The following SPAST variants were observed in gnomAD, a reference collection of about 807,000 sequenced individuals.
SPAST encodes the protein spastic paraplegia 4 (autosomal dominant; spastin).
A neutral mutation model predicts 76.6 loss-of-function variants in SPAST; 30 were observed. The ratio of observed to expected loss-of-function variants is 0.39; its 90% CI spans 0.29 to 0.53. The LOEUF (loss-of-function observed/expected upper bound fraction) is 0.53, where lower values mean the gene tolerates loss of function less well. Ranked by LOEUF, SPAST falls within the 20% of genes least tolerant of loss-of-function variation. SPAST has a pLI of 0.68. For synonymous variants in SPAST, 305 were observed against 281.0 expected, an observed-to-expected ratio of 1.09 and a Z score of -0.86; for missense variants, 717 against 770.5, an observed-to-expected ratio of 0.93 and a Z score of 0.82.
intron 4 of SPAST, among the ~76,000 whole-genome samples, chr2:32,113,776 A>G (rs1265559919): frequency 6.6e-6 from 1 of 151,792 alleles, no homozygotes; most frequent in African/African-American, 2.4e-5. Context: ...CATGTTGGCC[A>G]GCCTGGTCTT....
chr2:32,074,415 G>GT (rs1266505358), intron 1 of SPAST, among the ~76,000 whole-genome samples: 2 of 152,140 alleles, frequency 1.3e-5, no homozygotes, highest in Non-Finnish European at 2.9e-5. Flanking sequence ...CTGATATTCT[G>GT]TAAGTGCCAG....
intron 1 of SPAST, among the ~76,000 whole-genome samples, chr2:32,075,148 C>T (rs1479923765): frequency 1.3e-5 from 2 of 151,866 alleles, no homozygotes; most frequent in South Asian, 2.1e-4. Flanking sequence ...ATAGGCCGGG[C>T]GTGGTGGCTC....
intron 7 of SPAST, among the ~76,000 whole-genome samples, chr2:32,116,669 A>G (rs572274929): frequency 6.6e-5 from 10 of 152,112 alleles, no homozygotes; most frequent in African/African-American, 1.7e-4. Flanking sequence ...GTTTTGCTAT[A>G]TTGGCCAGGC....
chr2:32,095,819 A>T (rs1677894137), intron 3 of SPAST, among the ~76,000 whole-genome samples: 2 of 152,198 alleles, frequency 1.3e-5, no homozygotes, highest in African/African-American at 4.8e-5. Context: ...CAAAGGCAAG[A>T]AAAGCATGGT....
At chr2:32,144,915 G>C (rs751126804) in intron 14 of SPAST, 22 bp from the exon 15 acceptor site, 44 of 1,594,544 alleles carry the variant, frequency 2.8e-5, no homozygotes, top group Non-Finnish European at 3.8e-5. Context: ...ATAATTTGCT[G>C]TTTCTTCCTT....
At chr2:32,083,689 T>C (rs1211738538) in intron 1 of SPAST, among the ~76,000 whole-genome samples, 1 of 140,486 alleles carries the variant, frequency 7.1e-6, no homozygotes, top group Non-Finnish European at 1.5e-5. Context: ...TTATGCTATA[T>C]ATAGAGTATA....
intron 7 of SPAST, among the ~76,000 whole-genome samples, chr2:32,123,296 TAATAA>T (rs751440219): frequency 8.6e-5 from 13 of 151,828 alleles, no homozygotes; most frequent in Non-Finnish European, 1.5e-4. Context: ...ATATTAACAC[TAATAA>T]AATGAAATAT....
At chr2:32,093,532 T>A (rs533754270) in intron 3 of SPAST, among the ~76,000 whole-genome samples, 18 of 152,216 alleles carry the variant, frequency 1.2e-4, no homozygotes, top group African/African-American at 4.1e-4. Flanking sequence ...CTAATCTCCC[T>A]TACTGTGTTT....
At chr2:32,094,921 G>T (rs1677862520) in intron 3 of SPAST, among the ~76,000 whole-genome samples, 1 of 152,152 alleles carries the variant, frequency 6.6e-6, no homozygotes, top group African/African-American at 2.4e-5. Context: ...GTGAGCCGAG[G>T]TTGCGCCACT....
rs201417392 is a variant in SPAST, at chr2:32,116,240, A to G, written c.1098+28A>G. On this transcript the variant is annotated intron_variant, in intron 7 of 16. Coordinates refer to ENST00000315285, the MANE Select transcript of SPAST (RefSeq NM_014946.4). ...AAGAACTTTATATTATCATTTTTCT[A>G]TAATACCATCTGTTACTGAATCCAT... The G allele has an allele frequency of 1.8e-5, 25 of 1,406,312 alleles. No homozygotes were observed. The Admixed American group carries it at 2.3e-4, about 13-fold the overall frequency. The allele number at this position is 1,406,312 out of a possible 1,614,324, so 87.1% of individuals were successfully genotyped here. A position where few individuals can be genotyped will look rare whatever the true frequency, so the allele number is the denominator to read the frequency against.
At position 32,102,359 on chromosome 2, in the gene SPAST, A is replaced by C. The variant is rs558611313; in HGVS notation, c.682+3468A>C. Among the ~76,000 whole-genome samples the C allele has an allele frequency of 4.9e-3, 740 of 152,368 alleles. 3 individuals are homozygous for C. Among genetic ancestry groups the C allele is most frequent in the Non-Finnish European group, 8.3e-3 (564 of 68,040 alleles). On this transcript the variant is annotated intron_variant, in intron 4 of 16. Transcript: ENST00000315285. ...TTTGCTGAAGTTGCTTATCAGCTTA[A>C]GGAGATTTTGGGCTGAGATGATGGG...
At chr2:32,112,015 T>TG (rs1678633275) in intron 4 of SPAST, among the ~76,000 whole-genome samples, 1 of 136,372 alleles carries the variant, frequency 7.3e-6, no homozygotes, top group Non-Finnish European at 1.6e-5. Context: ...AGTAGTAGTT[T>TG]TTTTTTTTTT....
Position 32,144,109 on chromosome 2 carries a change from A to C in SPAST, c.1616+694A>C, listed in dbSNP as rs138127584. Among the ~76,000 whole-genome samples the C allele has an allele frequency of 2.2e-3, 334 of 152,296 alleles. 1 individual carries two copies. Among genetic ancestry groups the C allele is most frequent in the African/African-American group, 7.6e-3 (315 of 41,572 alleles). ...CTGAAAAATGTCATAAAGTAATATAAAGTATTCAATGAGTATGTGAGTATT... is the reference window on the plus strand; with the variant it reads ...CTGAAAAATGTCATAAAGTAATATACAGTATTCAATGAGTATGTGAGTATT... On this transcript the variant is annotated intron_variant, in intron 14 of 16. Coordinates refer to ENST00000315285, the MANE Select transcript of SPAST (RefSeq NM_014946.4).
At chr2:32,132,544 T>C (rs933716621) in intron 9 of SPAST, among the ~76,000 whole-genome samples, 1 of 146,820 alleles carries the variant, frequency 6.8e-6, no homozygotes, top group Non-Finnish European at 1.5e-5. Flanking sequence ...TTTTTTTTTA[T>C]GAGACAGCCT....
At chr2:32,127,719 T>A (rs1341999750) in intron 8 of SPAST, 1 of 152,086 alleles carries the variant, frequency 6.6e-6, no homozygotes, top group Admixed American at 6.6e-5. Flanking sequence ...ACCTCTTTCC[T>A]CTGCATAGTC....
intron 16 of SPAST, among the ~76,000 whole-genome samples, chr2:32,149,152 C>G (rs188432096): frequency 6.6e-6 from 1 of 151,698 alleles, no homozygotes; most frequent in Admixed American, 6.6e-5. Context: ...TGCAGTGGCA[C>G]CATCTTGGCT....
At chr2:32,065,653 CA>C (rs1369615654) in intron 1 of SPAST, among the ~76,000 whole-genome samples, 1 of 152,146 alleles carries the variant, frequency 6.6e-6, no homozygotes, top group Non-Finnish European at 1.5e-5. Flanking sequence ...CTCCCTCTGC[CA>C]AAAACACCCA....
intron 7 of SPAST, among the ~76,000 whole-genome samples, chr2:32,121,123 C>A (rs557724580): frequency 6.7e-6 from 1 of 149,838 alleles, no homozygotes; most frequent in South Asian, 2.1e-4. Context: ...TTTTTCTTTT[C>A]TTCTTCCCTC....
chr2:32,083,675 AT>A (rs1314379905), intron 1 of SPAST, among the ~76,000 whole-genome samples: 1 of 97,514 alleles, frequency 1.0e-5, no homozygotes, highest in Non-Finnish European at 2.1e-5. Context: ...ATATATATAT[AT>A]TTTTATGCTA....
Sources: allele counts gnomAD v4.1 joint callset (sites outside exome capture counted in the v4.1 genomes callset), GRCh38; gene constraint gnomAD v4.1.1; transcripts MANE v1.5; gene names NCBI Gene and HGNC (gene_info 2026-07-23, HGNC 2026-07-21).